The following SH3GLB2 variants were observed in gnomAD, a reference collection of about 807,000 sequenced individuals.
SH3GLB2 encodes the protein endophilin-B2.
In SH3GLB2, 24 loss-of-function variants were observed where a neutral mutation model predicts 48.0. The ratio of observed to expected loss-of-function variants is 0.50; its 90% CI spans 0.36 to 0.70. The LOEUF is 0.70. Ranked by LOEUF, SH3GLB2 falls within the 30% of genes least tolerant of loss-of-function variation. The pLI is 0.00. For missense variants in SH3GLB2, 425 were observed against 516.0 expected, an observed-to-expected ratio of 0.82 and a Z score of 1.71; for synonymous variants, 227 against 207.6, an observed-to-expected ratio of 1.09 and a Z score of -0.80.
At chr9:129,026,410 C>T (rs1844164534) in intron 1 of SH3GLB2, among the ~76,000 whole-genome samples, 8 of 152,222 alleles carry the variant, frequency 5.3e-5, no homozygotes, top group Admixed American at 5.2e-4. Context: ...TATCCCCTGG[C>T]CTGCCACTCT....
Position 129,011,993 on chromosome 9 carries a change from G to A in SH3GLB2, c.624+243C>T, listed in dbSNP as rs1035074160. The A allele has an allele frequency of 7.7e-6, 3 of 388,738 alleles. No homozygotes were observed. The highest frequency in any genetic ancestry group is 4.5e-5 in the Admixed American group (1 of 22,370). The allele number at this position is 388,738 out of a possible 1,614,324, so 24.1% of individuals were successfully genotyped here. On this transcript the variant is annotated intron_variant, in intron 6 of 10. Coordinates refer to ENST00000372564, the MANE Select transcript of SH3GLB2 (RefSeq NM_020145.4). The surrounding 1 kb of genome is among the most constrained non-coding windows in gnomAD (Gnocchi z 4.5). ...ACTACTCAGTGTGGCTGGCCCTGCC[G>A]CCAGCTCCAGCGTTTTGCAGAGGGA...
Position 129,009,763 on chromosome 9 carries a change from C to G in SH3GLB2, c.839+8G>C. ...GCCCCAGTGGGTTCAGCAGTGCTGG[C>G]CCCGCACCTGCCCAGCTGCTTCTGC... On this transcript the variant is annotated splice_region_variant and intron_variant, in intron 9 of 10. Transcript: ENST00000372564. The G allele has an allele frequency of 6.2e-7, 1 of 1,608,092 alleles. No individual in the cohort carries two copies. The highest frequency in any genetic ancestry group is 8.5e-7 in the Non-Finnish European group (1 of 1,176,974).
At chr9:129,020,179 C>T (rs1247970717) in intron 3 of SH3GLB2, among the ~76,000 whole-genome samples, 1 of 127,944 alleles carries the variant, frequency 7.8e-6, no homozygotes, top group East Asian at 2.2e-4. Flanking sequence ...GCACTCCAGC[C>T]CGGACAACAG....
chr9:129,012,987 G>A (rs533383377), intron 5 of SH3GLB2: 23 of 1,551,034 alleles, frequency 1.5e-5, no homozygotes, highest in South Asian at 4.8e-5. Context: ...GCAGCACAGC[G>A]CGTGGGACAG....
intron 3 of SH3GLB2, among the ~76,000 whole-genome samples, chr9:129,017,535 A>G (rs1843501820): frequency 6.6e-6 from 1 of 151,890 alleles, no homozygotes; most frequent in Non-Finnish European, 1.5e-5. Flanking sequence ...AGGCTAAGGC[A>G]GGCGGATCAC....
chr9:129,011,503 A>C lies in SH3GLB2; in HGVS notation c.624+733T>G, dbSNP rs1314892484. 1.3e-5 allele frequency: 2 copies of C among 152,238 alleles called. No individual in the cohort carries two copies. Among genetic ancestry groups the C allele is most frequent in the East Asian group, 3.9e-4 (2 of 5,190 alleles). The allele number at this position is 152,238 out of a possible 1,614,324, so 9.4% of individuals were successfully genotyped here. A position where few individuals can be genotyped will look rare whatever the true frequency, so the allele number is the denominator to read the frequency against. On this transcript the variant is annotated intron_variant, in intron 6 of 10. Coordinates refer to ENST00000372564, the MANE Select transcript of SH3GLB2 (RefSeq NM_020145.4). This position sits in a 1 kb window ranked among gnomAD's most constrained non-coding sequence, Gnocchi z 4.5. ...TGCTCACGAGAGAGGTGAGGGTCTCACCTCCAGGGGCGGGAAGGAGAGAAA... is the reference window on the plus strand; with the variant it reads ...TGCTCACGAGAGAGGTGAGGGTCTCCCCTCCAGGGGCGGGAAGGAGAGAAA...
At chr9:129,016,573 G>A (rs138410784) in intron 3 of SH3GLB2, among the ~76,000 whole-genome samples, 48 of 151,308 alleles carry the variant, frequency 3.2e-4, no homozygotes, top group African/African-American at 9.0e-4. Flanking sequence ...TAGGATAATC[G>A]CTTGAAACCG....
At position 129,014,586 on chromosome 9, in the gene SH3GLB2, G is replaced by A. The variant is rs1843316337; in HGVS notation, c.469-83C>T. ...CATGCATGGCAAGATTGGTGCCGGG[G>A]ACGATCAAGTCAAGATAGGGAAACT... On this transcript the variant is annotated intron_variant, in intron 4 of 10. Transcript: ENST00000372564. The surrounding 1 kb of genome is among the most constrained non-coding windows in gnomAD (Gnocchi z 4.1). 1 of 1,497,860 alleles carries A rather than the reference G, an allele frequency of 6.7e-7. No individual in the cohort carries two copies. The highest frequency in any genetic ancestry group is 1.4e-5 in the African/African-American group (1 of 71,848). 92.8% of individuals were successfully genotyped at this position (1,497,860 alleles called of 1,614,324 possible).
At position 129,009,192 on chromosome 9, in the gene SH3GLB2, G is replaced by T; in HGVS notation, c.994C>A (p.Pro332Thr). Residue 332 changes from proline to threonine, a missense_variant, in exon 10 of 11, where the codon CCC becomes ACC. Coordinates refer to ENST00000372564, the MANE Select transcript of SH3GLB2 (RefSeq NM_020145.4). ...EASLCLEEVA[P>T]PASGTRKARV... ...GCTTTGCGGGTCCCACTGGCAGGGG[G>T]GGCCACCTCTTCCAGGCAGAGCGAG... 2 of 1,611,146 alleles carry T rather than the reference G, an allele frequency of 1.2e-6. No homozygotes were observed. The highest frequency in any genetic ancestry group is 2.2e-5 in the East Asian group (1 of 44,852).
At chr9:129,022,827 A>G (rs1012892321) in intron 1 of SH3GLB2, among the ~76,000 whole-genome samples, 5 of 152,156 alleles carry the variant, frequency 3.3e-5, no homozygotes, top group African/African-American at 1.2e-4. Context: ...GGCAGGGAGT[A>G]GGGTCTGGGG....
At chr9:129,012,468 G>C in intron 5 of SH3GLB2, 170 bp from the exon 6 acceptor site, 2 of 412,242 alleles carry the variant, frequency 4.9e-6, no homozygotes, top group Non-Finnish European at 8.5e-6. Flanking sequence ...CAACCACCTG[G>C]AGATGAGGGG....
At chr9:129,009,647 G>T in intron 9 of SH3GLB2, 124 bp downstream of exon 9, 1 of 1,375,678 alleles carries the variant, frequency 7.3e-7, no homozygotes, top group Non-Finnish European at 1.0e-6. Context: ...CCCAGAGTGG[G>T]TTCCAGCAGA....
At chr9:129,022,194 C>A in intron 2 of SH3GLB2, 88 bp downstream of exon 2, 1 of 1,544,574 alleles carries the variant, frequency 6.5e-7, no homozygotes, top group Non-Finnish European at 8.7e-7. Flanking sequence ...GCAGCCCCGC[C>A]CCACCTATGC....
Position 129,007,630 on chromosome 9 carries a change from C to CTCA in SH3GLB2, c.*1051_*1053dup, listed in dbSNP as rs1842843292. The CTCA allele has an allele frequency of 6.6e-6, 1 of 152,192 alleles. No individual in the cohort carries two copies. The highest frequency in any genetic ancestry group is 2.4e-5 in the African/African-American group (1 of 41,458). 9.4% of individuals were successfully genotyped at this position (152,192 alleles called of 1,614,324 possible). On this transcript the variant is annotated 3_prime_UTR_variant, in exon 11 of 11. Transcript: ENST00000372564. ...TTGAGGAGCTGACTGTCTTGCTGAT[C>CTCA]TCATCTGTGAAATGTGGACACTGAG...
Position 129,009,625 on chromosome 9 carries a change from G to T in SH3GLB2, c.839+146C>A, listed in dbSNP as rs139350773. ...CCAGCCACTCCACCCTCATACACAT[G>T]AGATGCCCGCACCCAGAGTGGGTTC... On this transcript the variant is annotated intron_variant, in intron 9 of 10. Coordinates refer to ENST00000372564, the MANE Select transcript of SH3GLB2 (RefSeq NM_020145.4). 6.7e-5 allele frequency: 94 copies of T among 1,393,410 alleles called. No individual in the cohort carries two copies. In the African/African-American group the frequency reaches 1.1e-3, roughly 17 times the overall value. The allele number at this position is 1,393,410 out of a possible 1,614,324, so 86.3% of individuals were successfully genotyped here.
intron 3 of SH3GLB2, among the ~76,000 whole-genome samples, chr9:129,017,034 G>A (rs1027555818): frequency 1.3e-4 from 19 of 141,258 alleles, no homozygotes; most frequent in South Asian, 2.3e-4. Flanking sequence ...TGCAACCTAC[G>A]CCTCCCGGGT....
chr9:129,023,426 C>T (rs1843944956), intron 1 of SH3GLB2, among the ~76,000 whole-genome samples: 1 of 152,190 alleles, frequency 6.6e-6, no homozygotes, highest in African/African-American at 2.4e-5. Flanking sequence ...ACACCAAGGC[C>T]TTCTCTAGCT....
Position 129,014,748 on chromosome 9 carries a change from C to G in SH3GLB2, c.468+23G>C. On this transcript the variant is annotated intron_variant, in intron 4 of 10. Coordinates refer to ENST00000372564, the MANE Select transcript of SH3GLB2 (RefSeq NM_020145.4). The surrounding 1 kb of genome is among the most constrained non-coding windows in gnomAD (Gnocchi z 4.1). ...GGGAACTGCCATGGTTACCAGGAAGCGGAATAGTCCCAGGGCCCTCACCGA... is the reference window on the plus strand; with the variant it reads ...GGGAACTGCCATGGTTACCAGGAAGGGGAATAGTCCCAGGGCCCTCACCGA... The G allele has an allele frequency of 1.9e-6, 3 of 1,604,064 alleles. No individual in the cohort carries two copies. The highest frequency in any genetic ancestry group is 2.2e-5 in the South Asian group (2 of 90,046).
chr9:129,025,623 A>AAGGCAGGC (rs764337598), intron 1 of SH3GLB2, among the ~76,000 whole-genome samples: 28 of 146,162 alleles, frequency 1.9e-4, no homozygotes, highest in Admixed American at 5.6e-4. Context: ...GGAAGGAAGG[A>AAGGCAGGC]AGGCAGGCAG....
Sources: allele counts gnomAD v4.1 joint callset (sites outside exome capture counted in the v4.1 genomes callset), GRCh38; gene constraint gnomAD v4.1.1; non-coding constraint Gnocchi (gnomAD v3.1); transcripts MANE v1.5; gene names NCBI Gene and HGNC (gene_info 2026-07-23, HGNC 2026-07-21).